The following SRGAP2B variants were observed in gnomAD, a reference collection of about 807,000 sequenced individuals.
SRGAP2B encodes SLIT-ROBO Rho GTPase activating protein 2B, also known as SLIT-ROBO Rho GTPase-activating protein 2B.
SRGAP2B carries 9 observed loss-of-function variants against 22.2 expected under a neutral mutation model. That is an observed-to-expected ratio of 0.41 (90% CI 0.24 to 0.71). The LOEUF (loss-of-function observed/expected upper bound fraction) is 0.71, where lower values mean the gene tolerates loss of function less well. Ranked by LOEUF, SRGAP2B falls within the 30% of genes least tolerant of loss-of-function variation. The pLI, the probability that SRGAP2B is intolerant of heterozygous loss-of-function variation, is 0.35. For missense variants in SRGAP2B, 114 were observed against 235.8 expected (o/e 0.48, Z 3.38); for synonymous variants, 36 against 87.4 (o/e 0.41, Z 3.28).
intron 2 of SRGAP2B, among the ~76,000 whole-genome samples, chr1:145,089,241 G>A (rs1400041982): frequency 1.3e-5 from 2 of 150,732 alleles, no homozygotes; most frequent in Non-Finnish European, 3.0e-5. Flanking sequence ...AAAAGACTAA[G>A]AATATTATTG....
In SRGAP2B at chr1:144,914,730, GGA is replaced by G. The variant is rs1205832258; in HGVS notation, c.446_447del (p.Leu149ProfsTer3). ...TTCAGGACCTTCATCAAATCATCTT[GGA>G]GCTGCTGGCCGACTTCTTTACTCTG... On this transcript the variant is annotated frameshift_variant, in exon 5 of 10. Coordinates refer to ENST00000612199, the Ensembl canonical transcript of SRGAP2B. LOFTEE classifies it high-confidence loss of function. The G allele has an allele frequency of 1.7e-6, 1 of 591,252 alleles. No homozygotes were observed. The highest frequency in any genetic ancestry group is 3.1e-6 in the Non-Finnish European group (1 of 326,712). 36.6% of individuals were successfully genotyped at this position (591,252 alleles called of 1,614,324 possible). A position where few individuals can be genotyped will look rare whatever the true frequency, so the allele number is the denominator to read the frequency against.
intron 2 of SRGAP2B, among the ~76,000 whole-genome samples, chr1:145,084,143 G>A (rs781987863): frequency 0.015 from 2,058 of 134,868 alleles, 10 homozygotes; most frequent in Non-Finnish European, 0.022. Context: ...GCACGATCTC[G>A]GCTCACAGCA....
At chr1:145,044,145 CA>C in intron 2 of SRGAP2B, among the ~76,000 whole-genome samples, 1 of 98,158 alleles carries the variant, frequency 1.0e-5, no homozygotes. Context: ...TAAAAGGAAT[CA>C]AGACCCCCTA....
chr1:144,960,446 C>T (rs1667581723), intron 3 of SRGAP2B, among the ~76,000 whole-genome samples: 1 of 150,392 alleles, frequency 6.6e-6, no homozygotes, highest in Non-Finnish European at 1.5e-5. Flanking sequence ...GATAAACCTG[C>T]ATAGCTGAAT....
chr1:145,030,724 ATATATAT>A (rs1648223516), intron 2 of SRGAP2B, among the ~76,000 whole-genome samples: 4 of 34,138 alleles, frequency 1.2e-4, no homozygotes, highest in Non-Finnish European at 2.2e-4. Context: ...AAAAAAAAAT[ATATATAT>A]ATATATATAT....
intron 2 of SRGAP2B, among the ~76,000 whole-genome samples, chr1:145,041,410 C>T (rs1553627537): frequency 7.2e-6 from 1 of 138,986 alleles, no homozygotes; most frequent in African/African-American, 2.9e-5. Context: ...TCGCTTGAAC[C>T]CAGGTAGGTG....
At chr1:144,984,443 G>C (rs1553615591) in intron 3 of SRGAP2B, among the ~76,000 whole-genome samples, 1 of 145,250 alleles carries the variant, frequency 6.9e-6, no homozygotes, top group African/African-American at 2.6e-5. Context: ...AAGTCAAAAA[G>C]ACACTTTACA....
At chr1:144,934,344 C>T (rs1195389488) in intron 4 of SRGAP2B, among the ~76,000 whole-genome samples, 2 of 130,832 alleles carry the variant, frequency 1.5e-5, no homozygotes, top group Non-Finnish European at 3.1e-5. Context: ...GCGGGGGTTA[C>T]AGTGAGTCAA....
intron 2 of SRGAP2B, among the ~76,000 whole-genome samples, chr1:145,006,709 G>A (rs1340335742): frequency 4.6e-5 from 7 of 150,722 alleles, no homozygotes; most frequent in Non-Finnish European, 8.8e-5. Context: ...TTATGGAAAG[G>A]TAAACTGTCC....
In SRGAP2B at chr1:144,914,220, A is replaced by G. The variant is rs587754888; in HGVS notation, c.486+472T>C. Among the ~76,000 whole-genome samples, 15 of 151,770 alleles carry G rather than the reference A, an allele frequency of 9.9e-5. No individual in the cohort carries two copies. The South Asian group carries it at 3.1e-3, about 31-fold the overall frequency. ...CAAACTGGTCCCTCTTACTGGGGGCATTTAGGACTCTGTGCTGCCCTCTAG... is the reference window on the plus strand; with the variant it reads ...CAAACTGGTCCCTCTTACTGGGGGCGTTTAGGACTCTGTGCTGCCCTCTAG... On this transcript the variant is annotated intron_variant, in intron 5 of 9. Coordinates refer to ENST00000612199, the Ensembl canonical transcript of SRGAP2B.
chr1:144,940,516 CAGCTGGTCGTGGT>C (rs1665945585), intron 4 of SRGAP2B, among the ~76,000 whole-genome samples: 1 of 147,742 alleles, frequency 6.8e-6, no homozygotes, highest in Non-Finnish European at 1.5e-5. Context: ...AGACAACAGC[CAGCTGGTCGTGGT>C]GGCTCACGCC....
chr1:144,917,890 G>C (rs1256053290), intron 4 of SRGAP2B: 1 of 69,370 alleles, frequency 1.4e-5, no homozygotes, highest in African/African-American at 8.3e-5. Flanking sequence ...GCCTTTGGGG[G>C]AAAGCGTGGC....
intron 2 of SRGAP2B, among the ~76,000 whole-genome samples, chr1:145,016,760 T>C (rs1553623198): frequency 7.0e-6 from 1 of 143,468 alleles, no homozygotes; most frequent in African/African-American, 2.7e-5. Flanking sequence ...TTTACATGTC[T>C]CAAAAAGTTA....
Position 145,067,372 on chromosome 1 carries a change from C to G in SRGAP2B, c.67+25463G>C, listed in dbSNP as rs587740592. ...AAGCAAAATTGTTAAGTAGGTCAAA[C>G]TGGAGGTGCTTCAACCTTTTGATTT... On this transcript the variant is annotated intron_variant, in intron 2 of 9. Coordinates refer to ENST00000612199, the Ensembl canonical transcript of SRGAP2B. 1.6e-3 allele frequency among the ~76,000 whole-genome samples: 231 copies of G among 146,880 alleles called. 3 individuals carry two copies. The highest frequency in any genetic ancestry group is 0.01 in the Middle Eastern group (3 of 290).
rs1446665075 is a variant in SRGAP2B at position 144,970,854 on chromosome 1, C to T, written c.261-15253G>A. Among the ~76,000 whole-genome samples the T allele has an allele frequency of 2.0e-5, 3 of 149,904 alleles. 1 individual carries two copies. Among genetic ancestry groups the T allele is most frequent in the African/African-American group, 7.5e-5 (3 of 39,938 alleles). ...GGGACAGCAGACCTGCCCTGCCTAA[C>T]ACACATGACTTTTGTGAAGATCCAA... On this transcript the variant is annotated intron_variant, in intron 3 of 9. Transcript: ENST00000612199.
At chr1:144,967,480 G>T (rs1381249097) in intron 3 of SRGAP2B, among the ~76,000 whole-genome samples, 1 of 142,688 alleles carries the variant, frequency 7.0e-6, no homozygotes, top group African/African-American at 2.8e-5. Context: ...TCTCTGGGAC[G>T]CATTCAAAGC....
chr1:144,944,805 G>A (rs868996171), intron 4 of SRGAP2B, among the ~76,000 whole-genome samples: 23 of 142,742 alleles, frequency 1.6e-4, no homozygotes, highest in African/African-American at 5.1e-4. Flanking sequence ...TCCACCTTCT[G>A]GGTTCAAGTG....
At chr1:145,047,137 C>T (rs1456061161) in intron 2 of SRGAP2B, among the ~76,000 whole-genome samples, 1 of 135,294 alleles carries the variant, frequency 7.4e-6, no homozygotes, top group Admixed American at 7.5e-5. Flanking sequence ...GATCGCACCA[C>T]TGCACCCCAG....
chr1:145,069,880 C>A lies in SRGAP2B; in HGVS notation c.67+22955G>T, dbSNP rs1558867170. Among the ~76,000 whole-genome samples, 3 of 148,662 alleles carry A rather than the reference C, an allele frequency of 2.0e-5. 1 individual carries two copies. The highest frequency in any genetic ancestry group is 1.3e-4 in the Admixed American group (2 of 14,978). ...GCAGACAAAAGTACAACGGTTGACACTAAAGATCGCCTATTTGAAGTAAAA... is the reference window on the plus strand; with the variant it reads ...GCAGACAAAAGTACAACGGTTGACAATAAAGATCGCCTATTTGAAGTAAAA... On this transcript the variant is annotated intron_variant, in intron 2 of 9. Transcript: ENST00000612199.
Sources: gnomAD v4.1 joint callset for allele counts (sites outside exome capture counted in the v4.1 genomes callset) on GRCh38, gnomAD v4.1.1 for gene constraint, MANE v1.5 for transcripts, NCBI Gene and HGNC (gene_info 2026-07-23, HGNC 2026-07-21) for gene names.